The following TJP1 variants were observed in gnomAD, a reference collection of about 807,000 sequenced individuals.
The protein encoded by TJP1 is tight junction protein 1, also known as tight junction protein ZO-1.
A neutral mutation model predicts 194.2 loss-of-function variants in TJP1; 43 were observed. The observed-to-expected ratio is 0.22, with a 90% CI of 0.17 to 0.29. The LOEUF (loss-of-function observed/expected upper bound fraction) is 0.29. Ranked by LOEUF, TJP1 falls within the 10% of genes least tolerant of loss-of-function variation. The probability of loss-of-function intolerance (pLI) is 1.00; values close to 1 mark genes in which losing one functional copy is unlikely to be tolerated. For missense variants in TJP1, 1,971 were observed against 2,185.7 expected (o/e 0.90, Z 1.96); for synonymous variants, 801 against 779.0 (o/e 1.03, Z -0.47).
chr15:29,928,654 C>T (rs549431862), intron 2 of TJP1, among the ~76,000 whole-genome samples: 1 of 152,144 alleles, frequency 6.6e-6, no homozygotes, highest in Non-Finnish European at 1.5e-5. Flanking sequence ...TTAAAACACA[C>T]ACTTGTCGGC....
chr15:29,808,969 C>A (rs2151935909), intron 1 of TJP1, among the ~76,000 whole-genome samples: 1 of 152,252 alleles, frequency 6.6e-6, no homozygotes, highest in Middle Eastern at 3.4e-3. Flanking sequence ...TCTGTGCTAT[C>A]CAGTACAGTA....
intron 2 of TJP1, among the ~76,000 whole-genome samples, chr15:29,919,532 T>C (rs2054290404): frequency 6.6e-6 from 1 of 152,104 alleles, no homozygotes; most frequent in South Asian, 2.1e-4. Context: ...AAATATACCT[T>C]GTTAGGTAAT....
chr15:29,821,750 C>T (rs1271511158), intron 1 of TJP1, among the ~76,000 whole-genome samples: 2 of 151,504 alleles, frequency 1.3e-5, no homozygotes, highest in African/African-American at 4.8e-5. Flanking sequence ...AGCTATGCAC[C>T]TGCCCAGTAC....
chr15:29,892,445 G>A (rs531662294), intron 2 of TJP1, among the ~76,000 whole-genome samples: 50 of 152,330 alleles, frequency 3.3e-4, no homozygotes, highest in Middle Eastern at 3.4e-3. Context: ...ACAGACTTTC[G>A]ATGTAGATGA....
At chr15:29,877,309 C>G (rs908996381) in intron 2 of TJP1, among the ~76,000 whole-genome samples, 2 of 152,200 alleles carry the variant, frequency 1.3e-5, no homozygotes, top group African/African-American at 2.4e-5. Flanking sequence ...CTCGACCTCC[C>G]GAGCTTGAGA....
chr15:29,737,534 C>G (rs2044115897), intron 10 of TJP1, 120 bp from the exon 11 acceptor site: 3 of 1,043,650 alleles, frequency 2.9e-6, no homozygotes, highest in Non-Finnish European at 4.0e-6. Context: ...AAACTTCTCT[C>G]ATACCACTAT....
intron 4 of TJP1, among the ~76,000 whole-genome samples, chr15:29,767,377 T>G (rs2046391107): frequency 6.6e-6 from 1 of 152,220 alleles, no homozygotes; most frequent in South Asian, 2.1e-4. Context: ...TCGGACACCT[T>G]GAGCTACTGA....
chr15:29,937,742 T>C, intron 2 of TJP1, among the ~76,000 whole-genome samples: 1 of 152,200 alleles, frequency 6.6e-6, no homozygotes, highest in Non-Finnish European at 1.5e-5. Flanking sequence ...TCCAGGCTTT[T>C]CCAAAATGAC....
At chr15:29,956,814 G>A (rs148081812) in intron 1 of TJP1, among the ~76,000 whole-genome samples, 56 of 152,180 alleles carry the variant, frequency 3.7e-4, no homozygotes, top group Admixed American at 7.9e-4. Context: ...GCTTGAGCCT[G>A]GGAGGTCAAG....
intron 20 of TJP1, 40 bp downstream of exon 20, chr15:29,719,737 T>TG: frequency 6.3e-7 from 1 of 1,584,434 alleles, no homozygotes; most frequent in African/African-American, 1.4e-5. Context: ...GCCAGATTGA[T>TG]GGACAGCAAC....
At chr15:29,720,184 TG>T (rs1276875692) in intron 19 of TJP1, 168 bp from the exon 20 acceptor site, 1 of 1,136,178 alleles carries the variant, frequency 8.8e-7, no homozygotes, top group Non-Finnish European at 1.2e-6. Context: ...TACATTGCTG[TG>T]TTAAGACAAA....
At chr15:29,826,902 G>A (rs2050693982), upstream of TJP1, among the ~76,000 whole-genome samples, 1 of 152,124 alleles carries the variant, frequency 6.6e-6, no homozygotes, top group Non-Finnish European at 1.5e-5. Flanking sequence ...GGAAAATGAG[G>A]CACACACTGG....
intron 8 of TJP1, among the ~76,000 whole-genome samples, chr15:29,750,144 C>G (rs1033213877): frequency 6.6e-6 from 1 of 152,044 alleles, no homozygotes; most frequent in African/African-American, 2.4e-5. Context: ...AGCAGCTGGA[C>G]TACAGGCACG....
chr15:29,818,440 A>C (rs572739536), intron 1 of TJP1, among the ~76,000 whole-genome samples: 2 of 152,376 alleles, frequency 1.3e-5, no homozygotes, highest in African/African-American at 4.8e-5. Context: ...TAAATCAAAT[A>C]CACCAGTAAA....
chr15:29,926,166 G>A (rs910779695), intron 2 of TJP1, among the ~76,000 whole-genome samples: 1 of 152,196 alleles, frequency 6.6e-6, no homozygotes. Flanking sequence ...AAGTGTTTTT[G>A]TGAACTTTTA....
Position 29,762,317 on chromosome 15 carries a change from G to T in TJP1, c.693+18C>A. 1 of 1,584,130 alleles carries T rather than the reference G, an allele frequency of 6.3e-7. No homozygotes were observed. On this transcript the variant is annotated intron_variant, in intron 6 of 27. Transcript: ENST00000614355. ...GTTTTCTATTTCAGTTCATTAAAAA[G>T]TAAGAATATGATTATACCTTCAATA...
chr15:29,765,615 C>T (rs557401918), intron 5 of TJP1, among the ~76,000 whole-genome samples: 18 of 152,210 alleles, frequency 1.2e-4, no homozygotes, highest in African/African-American at 4.1e-4. Context: ...CCCAGCAGGG[C>T]ACAGTGGCTT....
At chr15:29,778,309 T>C (rs924545827) in intron 2 of TJP1, among the ~76,000 whole-genome samples, 2 of 150,378 alleles carry the variant, frequency 1.3e-5, no homozygotes, top group Non-Finnish European at 3.0e-5. Context: ...TAAGTAAAAA[T>C]GGAGAAGAGG....
chr15:29,968,638 G>A, intron 1 of TJP1: 1 of 1,018,506 alleles, frequency 9.8e-7, no homozygotes, highest in Non-Finnish European at 1.2e-6. Context: ...TAGCCCGGCT[G>A]GGGCTCCGCG....
Sources: allele counts gnomAD v4.1 joint callset (sites outside exome capture counted in the v4.1 genomes callset), GRCh38; gene constraint gnomAD v4.1.1; transcripts MANE v1.5; gene names NCBI Gene and HGNC (gene_info 2026-07-23, HGNC 2026-07-21).